Variants in PSPC1 observed in about 807,000 individuals in gnomAD.
PSPC1 encodes the protein paraspeckle component 1.
In PSPC1, 14 loss-of-function variants were observed where a neutral mutation model predicts 51.6. That is an observed-to-expected ratio of 0.27 (90% CI 0.18 to 0.42). The LOEUF is 0.42. PSPC1 is among the 10% of genes least tolerant of loss of function. PSPC1 has a pLI of 1.00. For missense variants in PSPC1, 406 were observed against 701.1 expected, an observed-to-expected ratio of 0.58 and a Z score of 4.75; for synonymous variants, 193 against 231.9, an observed-to-expected ratio of 0.83 and a Z score of 1.53.
intron 1 of PSPC1, among the ~76,000 whole-genome samples, chr13:19,781,373 AT>A (rs920805003): frequency 6.6e-6 from 1 of 151,758 alleles, no homozygotes; most frequent in Non-Finnish European, 1.5e-5. Flanking sequence ...GCTTGTTCAA[AT>A]TTTTTTTAAA....
At chr13:19,698,038 A>C (rs1879453113), downstream of PSPC1, among the ~76,000 whole-genome samples, 1 of 152,094 alleles carries the variant, frequency 6.6e-6, no homozygotes, top group Admixed American at 6.6e-5. Context: ...ATTCTTCTAA[A>C]CAGTCACAGA....
intron 6 of PSPC1, among the ~76,000 whole-genome samples, chr13:19,714,602 C>T (rs1022415428): frequency 3.5e-5 from 3 of 85,980 alleles, no homozygotes; most frequent in East Asian, 8.3e-4. Context: ...TCAAGCAATC[C>T]TCCTGCCTCA....
chr13:19,713,625 A>T (rs1007535192), intron 6 of PSPC1, among the ~76,000 whole-genome samples: 1 of 149,764 alleles, frequency 6.7e-6, no homozygotes, highest in Non-Finnish European at 1.5e-5. Context: ...TGCGGTATTT[A>T]TAAGATTGTA....
downstream of PSPC1, among the ~76,000 whole-genome samples, chr13:19,700,542 A>G (rs9506358): frequency 0.7 from 103,797 of 148,984 alleles, 38,119 homozygotes; most frequent in East Asian, 0.89. Context: ...ATCTGTCAAG[A>G]AAAAAAATAT....
chr13:19,699,357 T>C (rs1879637492), downstream of PSPC1: 1 of 151,686 alleles, frequency 6.6e-6, no homozygotes, highest in South Asian at 2.1e-4. Context: ...TAACAGTCCA[T>C]AAATTAACTG....
intron 5 of PSPC1, among the ~76,000 whole-genome samples, chr13:19,733,826 G>A (rs143770989): frequency 6.6e-6 from 1 of 150,730 alleles, no homozygotes; most frequent in African/African-American, 2.4e-5. Flanking sequence ...GGTGGCACAC[G>A]CTTGTAGTCC....
intron 1 of PSPC1, among the ~76,000 whole-genome samples, chr13:19,778,022 T>A (rs1889357274): frequency 6.6e-6 from 1 of 152,044 alleles, no homozygotes; most frequent in African/African-American, 2.4e-5. Flanking sequence ...GGCGGGCGGA[T>A]CACGAGGTCA....
At chr13:19,677,005 C>T (rs1056623308) in intron 7 of PSPC1, among the ~76,000 whole-genome samples, 7 of 152,094 alleles carry the variant, frequency 4.6e-5, no homozygotes, top group Admixed American at 2.6e-4. Flanking sequence ...GAGGCCGAGG[C>T]GGGTGGATCA....
chr13:19,779,731 TG>T lies in PSPC1; in HGVS notation c.372+2654del, dbSNP rs558537931. On this transcript the variant is annotated intron_variant, in intron 1 of 8. Coordinates refer to ENST00000338910, the MANE Select transcript of PSPC1 (RefSeq NM_001354909.2). Reference sequence around the variant, plus strand: ...CCAGCCACCCTGTCTGGGAGGGAGGTGGGGGGGGGTCAGCCCTCCGCCCAGC... The same window carrying T: ...CCAGCCACCCTGTCTGGGAGGGAGGTGGGGGGGGTCAGCCCTCCGCCCAGC... Among the ~76,000 whole-genome samples the T allele has an allele frequency of 1.4e-3, 93 of 68,278 alleles. 3 individuals carry two copies. The highest frequency in any genetic ancestry group is 5.8e-3 in the African/African-American group (76 of 13,150). The allele number at this position is 68,278 out of a possible 152,430, so 44.8% of individuals were successfully genotyped here.
At chr13:19,741,855 G>C (rs1208636437) in intron 4 of PSPC1, among the ~76,000 whole-genome samples, 12 of 152,204 alleles carry the variant, frequency 7.9e-5, no homozygotes, top group Non-Finnish European at 1.5e-5. Flanking sequence ...TTCTTGGCCA[G>C]GTGCGGTGGC....
chr13:19,673,414 G>T (rs925687352), downstream of PSPC1: 5 of 234,814 alleles, frequency 2.1e-5, no homozygotes, highest in Admixed American at 1.0e-4. Context: ...CTTTTCCTAT[G>T]GTTTTGTCAA....
At chr13:19,709,349 G>A (rs1327967744) in intron 7 of PSPC1, among the ~76,000 whole-genome samples, 193 bp downstream of exon 7, 4 of 151,994 alleles carry the variant, frequency 2.6e-5, no homozygotes, top group Non-Finnish European at 5.9e-5. Context: ...AAAACAAAAT[G>A]AGAATTTTCT....
chr13:19,671,278 C>G (rs1346499085), downstream of PSPC1: 1 of 1,612,722 alleles, frequency 6.2e-7, no homozygotes. Flanking sequence ...GACAGAAGCA[C>G]CCTCTGCCAA....
chr13:19,675,651 G>C (rs1156474620), intron 7 of PSPC1: 1 of 152,114 alleles, frequency 6.6e-6, no homozygotes, highest in East Asian at 1.9e-4. Context: ...AAAATGTTTT[G>C]ACCTGGAAAA....
chr13:19,769,689 C>A (rs1020001535), intron 2 of PSPC1, among the ~76,000 whole-genome samples: 1 of 151,974 alleles, frequency 6.6e-6, no homozygotes, highest in Non-Finnish European at 1.5e-5. Context: ...GAGCTGAGAT[C>A]GCGCCATTGC....
In PSPC1 at chr13:19,683,272, CA is replaced by C. The variant is rs371291952; in HGVS notation, c.1159-5450del. 9.9e-5 allele frequency among the ~76,000 whole-genome samples: 15 copies of C among 152,194 alleles called. 1 individual carries two copies. In the South Asian group the frequency reaches 2.9e-3, roughly 29 times the overall value. The stretch of plus-strand genomic sequence containing the variant: ...AATAAAAACTGCCCCAAGAGCATAT[CA>C]ATAGAAAACTAGACAGACAAAATGT... On this transcript the variant is annotated intron_variant and NMD_transcript_variant, in intron 6 of 7. Coordinates refer to the PSPC1 transcript ENST00000471658.
chr13:19,704,749 A>T (rs1466525149), intron 8 of PSPC1, among the ~76,000 whole-genome samples: 2 of 152,180 alleles, frequency 1.3e-5, no homozygotes, highest in African/African-American at 2.4e-5. Context: ...TAAAAATTAC[A>T]ACTGAAAAAC....
chr13:19,779,123 C>T (rs1889569209), intron 1 of PSPC1, among the ~76,000 whole-genome samples: 4 of 105,180 alleles, frequency 3.8e-5, no homozygotes, highest in Admixed American at 9.3e-5. Context: ...AGTGAGGAGA[C>T]CCTCTGCCTG....
At chr13:19,768,074 A>G (rs1048175643) in intron 2 of PSPC1, among the ~76,000 whole-genome samples, 5 of 151,706 alleles carry the variant, frequency 3.3e-5, no homozygotes, top group African/African-American at 1.2e-4. Context: ...AAATTCAAAA[A>G]ATTAGCCAGG....
Sources: gnomAD v4.1 joint callset for allele counts (sites outside exome capture counted in the v4.1 genomes callset) on GRCh38, gnomAD v4.1.1 for gene constraint, MANE v1.5 for transcripts, NCBI Gene and HGNC (gene_info 2026-07-23, HGNC 2026-07-21) for gene names.